OR2L13: variants seen among roughly 807,000 people sequenced by gnomAD.
The protein encoded by OR2L13 is olfactory receptor 2L13.
Under a neutral mutation model 15.3 loss-of-function variants are expected in OR2L13, and 14 were observed. The observed-to-expected ratio is 0.91, with a 90% confidence interval of 0.60 to 1.43. The LOEUF (loss-of-function observed/expected upper bound fraction) is 1.43, where lower values mean the gene tolerates loss of function less well. Ranked by LOEUF, OR2L13 falls within the 40% of genes most tolerant of loss-of-function variation. The pLI is 0.00. For synonymous variants in OR2L13, 152 were observed against 142.9 expected (o/e 1.06, Z -0.45); for missense variants, 367 against 387.9 (o/e 0.95, Z 0.45).
the OR2L13 span, among the ~76,000 whole-genome samples, chr1:248,076,832 A>T: frequency 6.6e-6 from 1 of 152,220 alleles, no homozygotes; most frequent in Non-Finnish European, 1.5e-5. Context: ...CATACCCTTT[A>T]TTTCTTTCTC....
At chr1:248,098,217 A>C (rs1055807120) in intron 1 of OR2L13, among the ~76,000 whole-genome samples, 2 of 152,158 alleles carry the variant, frequency 1.3e-5, no homozygotes, top group Admixed American at 6.5e-5. Context: ...TATTGTTTGT[A>C]TAATTATCTC....
At chr1:248,022,102 C>T in the OR2L13 span, 142 of 1,613,774 alleles carry the variant, frequency 8.8e-5, no homozygotes, top group Middle Eastern at 1.6e-4. Flanking sequence ...TTCTTGGACA[C>T]CCATCTCCAC....
chr1:247,937,183 T>TG, the OR2L13 span: 1 of 153,126 alleles, frequency 6.5e-6, no homozygotes, highest in Non-Finnish European at 1.5e-5. Context: ...GCTCACTCGC[T>TG]GGGGCTGCCG....
At chr1:248,065,001 T>G in the OR2L13 span, among the ~76,000 whole-genome samples, 1 of 152,216 alleles carries the variant, frequency 6.6e-6, no homozygotes, top group Admixed American at 6.5e-5. Flanking sequence ...TTGTGGTCAT[T>G]AAGAAGAACA....
chr1:248,003,547 G>C, the OR2L13 span: 1 of 1,612,688 alleles, frequency 6.2e-7, no homozygotes, highest in Non-Finnish European at 8.5e-7. Flanking sequence ...GCAAAAGAGT[G>C]TGTGTGCTGA....
At chr1:248,052,834 T>G in the OR2L13 span, among the ~76,000 whole-genome samples, 1 of 152,132 alleles carries the variant, frequency 6.6e-6, no homozygotes, top group Non-Finnish European at 1.5e-5. Context: ...TTCATATAAA[T>G]TTTAGAATGG....
At chr1:248,023,380 GT>G in the OR2L13 span, 1 of 152,148 alleles carries the variant, frequency 6.6e-6, no homozygotes, top group African/African-American at 2.4e-5. Flanking sequence ...TATGTCTGGG[GT>G]GAAGCCAATT....
At chr1:248,043,921 A>G in the OR2L13 span, among the ~76,000 whole-genome samples, 1 of 152,158 alleles carries the variant, frequency 6.6e-6, no homozygotes, top group Non-Finnish European at 1.5e-5. Context: ...AATCAATATT[A>G]TTATCTTTAA....
the OR2L13 span, among the ~76,000 whole-genome samples, chr1:248,042,647 A>G: frequency 6.6e-6 from 1 of 152,202 alleles, no homozygotes; most frequent in East Asian, 1.9e-4. Flanking sequence ...CACATGTCAC[A>G]TAAAATGATG....
At chr1:248,052,288 C>T in the OR2L13 span, among the ~76,000 whole-genome samples, 2 of 152,166 alleles carry the variant, frequency 1.3e-5, no homozygotes, top group African/African-American at 4.8e-5. Context: ...GTTCCATCTC[C>T]ACTGAGTGGA....
At chr1:248,072,564 T>A in the OR2L13 span, among the ~76,000 whole-genome samples, 1 of 152,052 alleles carries the variant, frequency 6.6e-6, no homozygotes, top group East Asian at 1.9e-4. Flanking sequence ...GACATAGGCA[T>A]GGGCAAGGAC....
At chr1:247,949,202 A>T in the OR2L13 span, 2 of 1,614,222 alleles carry the variant, frequency 1.2e-6, no homozygotes, top group Non-Finnish European at 1.7e-6. Flanking sequence ...TACTTTTGGC[A>T]TCTATGGCCT....
chr1:248,029,159 A>G, the OR2L13 span: 8 of 152,350 alleles, frequency 5.3e-5, no homozygotes, highest in East Asian at 1.3e-3. Flanking sequence ...CTAATTGATC[A>G]CAACCAGTTA....
upstream of OR2L13, among the ~76,000 whole-genome samples, chr1:248,095,607 C>CTTTTTTCTTT (rs1664716034): frequency 2.7e-5 from 1 of 37,294 alleles, no homozygotes; most frequent in Non-Finnish European, 5.4e-5. Context: ...AAAGCTGCTG[C>CTTTTTTCTTT]TTTTTTTTTT....
exon 3 of OR2L13, chr1:248,100,760 C>G (rs1664842906): frequency 5.9e-6 from 1 of 168,068 alleles, no homozygotes; most frequent in Non-Finnish European, 1.4e-5. Flanking sequence ...TAGTCAGTGT[C>G]TATAGTGTTG....
upstream of OR2L13, among the ~76,000 whole-genome samples, chr1:248,090,583 C>G (rs760016164): frequency 6.6e-6 from 1 of 152,178 alleles, no homozygotes; most frequent in East Asian, 1.9e-4. Context: ...CTAATGGCCT[C>G]CACTTCATCC....
the OR2L13 span, among the ~76,000 whole-genome samples, chr1:248,046,503 T>A: frequency 6.6e-6 from 1 of 152,162 alleles, no homozygotes; most frequent in African/African-American, 2.4e-5. Context: ...TGTGAATAAA[T>A]ATATTTGTTT....
At chr1:248,058,635 T>G in the OR2L13 span, among the ~76,000 whole-genome samples, 4 of 152,104 alleles carry the variant, frequency 2.6e-5, no homozygotes, top group Non-Finnish European at 5.9e-5. Context: ...TCCGAGGAAA[T>G]AGAATTTTTA....
chr1:248,039,365 T>A, the OR2L13 span: 1 of 557,284 alleles, frequency 1.8e-6, no homozygotes, highest in Non-Finnish European at 3.1e-6. Flanking sequence ...ATAATACATA[T>A]TAATACATAT....
Sources: allele counts gnomAD v4.1 joint callset (sites outside exome capture counted in the v4.1 genomes callset), GRCh38; gene constraint gnomAD v4.1.1; transcripts MANE v1.5; gene names NCBI Gene and HGNC (gene_info 2026-07-23, HGNC 2026-07-21).